The following GRIK1 variants were observed in gnomAD, a reference collection of about 807,000 sequenced individuals.
GRIK1 encodes glutamate ionotropic receptor kainate type subunit 1, also known as glutamate receptor ionotropic, kainate 1.
GRIK1 carries 69 observed loss-of-function variants against 105.7 expected under a neutral mutation model. That is an observed-to-expected ratio of 0.65 (90% confidence interval 0.54 to 0.80). The LOEUF is 0.80. Among genes scored for constraint, GRIK1 ranks in the 30% least tolerant of loss-of-function variants. The pLI is 0.00. For missense variants in GRIK1, 1,109 were observed against 1,167.3 expected, an observed-to-expected ratio of 0.95 and a Z score of 0.73; for synonymous variants, 438 against 431.3, an observed-to-expected ratio of 1.02 and a Z score of -0.19.
rs187097538 is a variant in GRIK1, at chr21:29,600,981, C to T, written c.1099-2044G>A. Among the ~76,000 whole-genome samples the T allele has an allele frequency of 1.4e-4, 22 of 152,326 alleles. No individual in the cohort carries two copies. The East Asian group carries it at 3.3e-3, about 23-fold the overall frequency. ...CAAATTAGTCTAAACCTTGACTTTA[C>T]GTTGGAGGTTGTGATGGTTAATTTT... On this transcript the variant is annotated intron_variant, in intron 7 of 17. Coordinates refer to ENST00000327783, the MANE Select transcript of GRIK1 (RefSeq NM_001330994.2).
chr21:29,570,062 G>A (rs1358767208), intron 14 of GRIK1, among the ~76,000 whole-genome samples: 1 of 152,124 alleles, frequency 6.6e-6, no homozygotes, highest in Non-Finnish European at 1.5e-5. Flanking sequence ...AGTTGGGAGC[G>A]AAGGAAATCC....
intron 7 of GRIK1, among the ~76,000 whole-genome samples, chr21:29,612,837 C>T (rs1568885745): frequency 6.6e-6 from 1 of 152,126 alleles, no homozygotes; most frequent in Non-Finnish European, 1.5e-5. Context: ...TGTTTACAAA[C>T]AAATTTTAGT....
At chr21:29,830,272 T>A (rs925557615) in intron 1 of GRIK1, among the ~76,000 whole-genome samples, 2 of 151,320 alleles carry the variant, frequency 1.3e-5, no homozygotes, top group Admixed American at 6.6e-5. Context: ...AAATAAACTC[T>A]TGATTAAGCA....
At chr21:29,676,624 C>T (rs536730923) in intron 3 of GRIK1, among the ~76,000 whole-genome samples, 3 of 152,110 alleles carry the variant, frequency 2.0e-5, no homozygotes, top group Non-Finnish European at 2.9e-5. Context: ...CCTGCCAGAA[C>T]CCCAGTTGCA....
At chr21:29,787,993 C>G (rs1233797204) in intron 1 of GRIK1, among the ~76,000 whole-genome samples, 1 of 152,158 alleles carries the variant, frequency 6.6e-6, no homozygotes, top group African/African-American at 2.4e-5. Flanking sequence ...CAATTTGAGA[C>G]AATATAATTA....
intron 15 of GRIK1, among the ~76,000 whole-genome samples, chr21:29,560,554 T>TTCTTTCTC (rs2090444977): frequency 8.3e-6 from 1 of 121,038 alleles, no homozygotes; most frequent in Non-Finnish European, 1.6e-5. Context: ...CTTTCTTTCT[T>TTCTTTCTC]TCTTTCTTTC....
intron 1 of GRIK1, among the ~76,000 whole-genome samples, chr21:29,706,202 T>C (rs2146789499): frequency 6.6e-6 from 1 of 152,322 alleles, no homozygotes; most frequent in African/African-American, 2.4e-5. Context: ...ATATTTTCCA[T>C]TTGGTTTTTA....
intron 1 of GRIK1, among the ~76,000 whole-genome samples, chr21:29,832,873 G>T (rs1293666274): frequency 6.6e-6 from 1 of 152,124 alleles, no homozygotes; most frequent in Non-Finnish European, 1.5e-5. Flanking sequence ...CTACCACATG[G>T]CTGGGCTACA....
intron 1 of GRIK1, among the ~76,000 whole-genome samples, chr21:29,799,773 A>T (rs1029889312): frequency 1.3e-5 from 2 of 152,070 alleles, no homozygotes; most frequent in African/African-American, 4.8e-5. Flanking sequence ...CAAGTGATCC[A>T]CCTGCCTTAG....
At chr21:29,911,712 C>T (rs1250584207) in intron 1 of GRIK1, among the ~76,000 whole-genome samples, 1 of 151,874 alleles carries the variant, frequency 6.6e-6, no homozygotes. Context: ...AAAGGGGCCC[C>T]AGAGAACTCC....
chr21:29,756,061 G>A (rs537075924), intron 1 of GRIK1, among the ~76,000 whole-genome samples: 2 of 152,284 alleles, frequency 1.3e-5, no homozygotes, highest in South Asian at 4.1e-4. Flanking sequence ...AACATTGAGG[G>A]AAATTTTTAT....
At chr21:29,801,655 C>T (rs2066714338) in intron 1 of GRIK1, among the ~76,000 whole-genome samples, 1 of 152,124 alleles carries the variant, frequency 6.6e-6, no homozygotes, top group Non-Finnish European at 1.5e-5. Flanking sequence ...ACTCTGTGGA[C>T]ATATTTTCAA....
intron 3 of GRIK1, among the ~76,000 whole-genome samples, chr21:29,678,352 T>A (rs1458596868): frequency 6.6e-6 from 1 of 152,140 alleles, no homozygotes; most frequent in African/African-American, 2.4e-5. Flanking sequence ...TTTTCAGAAG[T>A]GCAACAGAGA....
intron 3 of GRIK1, among the ~76,000 whole-genome samples, chr21:29,688,413 G>C (rs1411450685): frequency 6.6e-6 from 1 of 152,108 alleles, no homozygotes. Flanking sequence ...AAGCGAAACC[G>C]TATTGCAAAG....
intron 1 of GRIK1, among the ~76,000 whole-genome samples, chr21:29,855,951 G>C (rs1045654062): frequency 6.6e-6 from 1 of 152,172 alleles, no homozygotes; most frequent in Admixed American, 6.5e-5. Flanking sequence ...TTTGGTAAAG[G>C]ATGGAAGACT....
At chr21:29,783,176 T>C (rs1028866764) in intron 1 of GRIK1, among the ~76,000 whole-genome samples, 1 of 152,214 alleles carries the variant, frequency 6.6e-6, no homozygotes, top group African/African-American at 2.4e-5. Context: ...AAATATACAG[T>C]ATTTATTGAC....
At chr21:29,826,398 T>A (rs2067458554) in intron 1 of GRIK1, among the ~76,000 whole-genome samples, 1 of 152,120 alleles carries the variant, frequency 6.6e-6, no homozygotes, top group Non-Finnish European at 1.5e-5. Flanking sequence ...TCAGATAAGA[T>A]TGACATTTAA....
chr21:29,630,087 G>A (rs77521277), intron 7 of GRIK1, among the ~76,000 whole-genome samples: 9,609 of 152,240 alleles, frequency 0.063, 422 homozygotes, highest in African/African-American at 0.11. Flanking sequence ...AGCAGAAAAT[G>A]AGGTGAAAAG....
chr21:29,845,954 A>C (rs1053610096), intron 1 of GRIK1, among the ~76,000 whole-genome samples: 1 of 152,152 alleles, frequency 6.6e-6, no homozygotes, highest in Non-Finnish European at 1.5e-5. Flanking sequence ...CCTTCCAAAA[A>C]GGTAGGGCTC....
Sources: allele counts gnomAD v4.1 joint callset (sites outside exome capture counted in the v4.1 genomes callset), GRCh38; gene constraint gnomAD v4.1.1; transcripts MANE v1.5; gene names NCBI Gene and HGNC (gene_info 2026-07-23, HGNC 2026-07-21).